Variants in DNER observed in about 807,000 individuals in gnomAD.
DNER encodes delta and Notch-like epidermal growth factor-related receptor.
Under a neutral mutation model 78.2 loss-of-function variants are expected in DNER, and 33 were observed. The observed-to-expected ratio is 0.42, with a 90% CI of 0.32 to 0.56. DNER has a LOEUF of 0.56. Ranked by LOEUF, DNER falls within the 20% of genes least tolerant of loss-of-function variation. The pLI is 0.11. For synonymous variants in DNER, 417 were observed against 384.8 expected, an observed-to-expected ratio of 1.08 and a Z score of -0.98; for missense variants, 918 against 975.3, an observed-to-expected ratio of 0.94 and a Z score of 0.78.
At chr2:229,605,134 A>G (rs1239923418) in intron 1 of DNER, among the ~76,000 whole-genome samples, 2 of 152,206 alleles carry the variant, frequency 1.3e-5, no homozygotes, top group African/African-American at 4.8e-5. Flanking sequence ...AAAAATAATA[A>G]CAGAACAAAA....
chr2:229,463,669 C>A (rs923024160), intron 7 of DNER, among the ~76,000 whole-genome samples: 5 of 152,134 alleles, frequency 3.3e-5, no homozygotes, highest in African/African-American at 1.2e-4. Flanking sequence ...TGAACTCCTG[C>A]CCTCAAGGGA....
intron 7 of DNER, among the ~76,000 whole-genome samples, chr2:229,475,842 G>A (rs552079855): frequency 3.4e-4 from 52 of 152,258 alleles, no homozygotes; most frequent in African/African-American, 8.9e-4. Context: ...GTCCCAGGAC[G>A]ACCCTGCAGG....
At chr2:229,613,497 C>G (rs1241604690) in intron 1 of DNER, among the ~76,000 whole-genome samples, 2 of 152,056 alleles carry the variant, frequency 1.3e-5, no homozygotes, top group African/African-American at 2.4e-5. Flanking sequence ...TAAAAGTAAC[C>G]CTGTAAGGCA....
At position 229,706,511 on chromosome 2, in the gene DNER, C is replaced by T. The variant is rs112889853; in HGVS notation, c.276+7637G>A. Among the ~76,000 whole-genome samples, 1,254 of 151,790 alleles carry T rather than the reference C, an allele frequency of 8.3e-3. 53 individuals carry two copies. Among genetic ancestry groups the T allele is most frequent in the Admixed American group, 0.065 (993 of 15,258 alleles). On this transcript the variant is annotated intron_variant, in intron 1 of 12. Coordinates refer to ENST00000341772, the MANE Select transcript of DNER (RefSeq NM_139072.4). The stretch of plus-strand genomic sequence containing the variant: ...ATGAGAGGTGGAGGCAGCAGTGAGC[C>T]GAGATCACACCACTGCACTACAGCC...
chr2:229,456,086 T>A (rs528552757), intron 7 of DNER, among the ~76,000 whole-genome samples: 2 of 151,630 alleles, frequency 1.3e-5, no homozygotes, highest in African/African-American at 4.8e-5. Flanking sequence ...AGAAAAGAGG[T>A]TTAATTGGCT....
intron 5 of DNER, among the ~76,000 whole-genome samples, chr2:229,540,655 G>A (rs781466720): frequency 1.3e-5 from 2 of 152,216 alleles, no homozygotes; most frequent in Non-Finnish European, 2.9e-5. Flanking sequence ...TAGGTAGGAA[G>A]AGTAGGACTT....
At chr2:229,688,999 T>C (rs533261629) in intron 1 of DNER, among the ~76,000 whole-genome samples, 14 of 151,830 alleles carry the variant, frequency 9.2e-5, no homozygotes, top group South Asian at 6.3e-4. Context: ...TGGAGTGGAG[T>C]TGGGGGAGGG....
chr2:229,578,210 T>A (rs984614315), intron 4 of DNER, among the ~76,000 whole-genome samples: 1 of 152,156 alleles, frequency 6.6e-6, no homozygotes, highest in Non-Finnish European at 1.5e-5. Flanking sequence ...TTCTGGCATG[T>A]CCTGGTCGGT....
chr2:229,633,703 G>T (rs13006528), intron 1 of DNER, among the ~76,000 whole-genome samples: 1 of 152,124 alleles, frequency 6.6e-6, no homozygotes, highest in South Asian at 2.1e-4. Context: ...GCAGCAGCCC[G>T]TTCAGGGCCT....
Position 229,714,420 on chromosome 2 carries a change from G to T in DNER, c.4C>A (p.Gln2Lys), listed in dbSNP as rs1699963542. The T allele has an allele frequency of 2.6e-6, 3 of 1,145,242 alleles. No individual in the cohort carries two copies. Among genetic ancestry groups the T allele is most frequent in the Non-Finnish European group, 3.2e-6 (3 of 935,452 alleles). The allele number at this position is 1,145,242 out of a possible 1,614,324, so 70.9% of individuals were successfully genotyped here. The change falls in exon 1 of 13, where the codon CAG becomes AAG. Residue 2 changes from glutamine to lysine, a missense_variant. Gln to Lys is a moderately conservative substitution (Grantham distance 53, BLOSUM62 1). Transcript: ENST00000341772. MQPRRAQAPGAQ... is the reference protein window; with the variant it reads MKPRRAQAPGAQ... ...CCGGGCGCCTGGGCGCGGCGGGGCT[G>T]CATGGCCGGCCGGGAGGGCGCGGGA...
intron 4 of DNER, among the ~76,000 whole-genome samples, chr2:229,581,942 C>T (rs566190913): frequency 6.6e-6 from 1 of 152,144 alleles, no homozygotes; most frequent in African/African-American, 2.4e-5. Flanking sequence ...TATGTATGTG[C>T]AAACTATTGA....
intron 4 of DNER, among the ~76,000 whole-genome samples, chr2:229,568,872 AGAT>A (rs2154213956): frequency 6.6e-6 from 1 of 152,300 alleles, no homozygotes; most frequent in South Asian, 2.1e-4. Flanking sequence ...CTAAGCCAAC[AGAT>A]CATTCTTTTA....
chr2:229,576,717 T>A (rs6436875), intron 4 of DNER, among the ~76,000 whole-genome samples: 125,376 of 152,132 alleles, frequency 0.82, 52,286 homozygotes, highest in Non-Finnish European at 0.89. Context: ...TAGCAGAAAG[T>A]AATGTGAGAC....
At chr2:229,578,854 C>A (rs1272583577) in intron 4 of DNER, among the ~76,000 whole-genome samples, 7 of 152,208 alleles carry the variant, frequency 4.6e-5, no homozygotes, top group African/African-American at 1.7e-4. Flanking sequence ...TTCCAAAGGA[C>A]TACCCAGAAA....
At chr2:229,405,268 A>G (rs1050912017) in intron 10 of DNER, among the ~76,000 whole-genome samples, 5 of 152,222 alleles carry the variant, frequency 3.3e-5, no homozygotes, top group African/African-American at 9.6e-5. Context: ...GTGTCAAGAC[A>G]AGGAAATAAA....
intron 4 of DNER, among the ~76,000 whole-genome samples, chr2:229,547,673 T>C (rs1340031846): frequency 6.6e-6 from 1 of 152,234 alleles, no homozygotes. Flanking sequence ...TGCATCTTAC[T>C]TGATCACCAA....
intron 8 of DNER, among the ~76,000 whole-genome samples, chr2:229,444,346 T>C (rs1430826466): frequency 6.6e-6 from 1 of 152,140 alleles, no homozygotes; most frequent in Non-Finnish European, 1.5e-5. Context: ...TCTTTTCTGA[T>C]AGAGGGGAAA....
At chr2:229,594,101 A>C (rs1237876326) in intron 1 of DNER, among the ~76,000 whole-genome samples, 1 of 152,206 alleles carries the variant, frequency 6.6e-6, no homozygotes, top group African/African-American at 2.4e-5. Flanking sequence ...CACTGAGCAC[A>C]GCAGAAGTCC....
In DNER at chr2:229,405,776, C is replaced by T. The variant is rs145786941; in HGVS notation, c.1723+1456G>A. Among the ~76,000 whole-genome samples the T allele has an allele frequency of 1.2e-3, 178 of 152,170 alleles. 1 individual carries two copies. Among genetic ancestry groups the T allele is most frequent in the African/African-American group, 4.0e-3 (166 of 41,532 alleles). ...TCAGAATGTATCAAAATCTTAATAACAGTTACCTCCTAGCAGATCAATTTT... is the reference window on the plus strand; with the variant it reads ...TCAGAATGTATCAAAATCTTAATAATAGTTACCTCCTAGCAGATCAATTTT... On this transcript the variant is annotated intron_variant, in intron 10 of 12. Coordinates refer to ENST00000341772, the MANE Select transcript of DNER (RefSeq NM_139072.4).
Sources: allele counts gnomAD v4.1 joint callset (sites outside exome capture counted in the v4.1 genomes callset), GRCh38; gene constraint gnomAD v4.1.1; transcripts MANE v1.5; gene names NCBI Gene and HGNC (gene_info 2026-07-23, HGNC 2026-07-21).